The following PIP5K1C variants were observed in gnomAD, a reference collection of about 807,000 sequenced individuals.
PIP5K1C encodes the protein phosphatidylinositol-4-phosphate 5-kinase type 1 gamma, also known as phosphatidylinositol 4-phosphate 5-kinase type-1 gamma.
A neutral mutation model predicts 80.1 loss-of-function variants in PIP5K1C; 45 were observed. That is an observed-to-expected ratio of 0.56 (90% CI 0.44 to 0.72). PIP5K1C has a LOEUF of 0.72. Ranked by LOEUF, PIP5K1C falls within the 30% of genes least tolerant of loss-of-function variation. The pLI is 0.00. For synonymous variants in PIP5K1C, 498 were observed against 420.1 expected (o/e 1.19, Z -2.27); for missense variants, 753 against 954.6 (o/e 0.79, Z 2.78).
intron 6 of PIP5K1C, among the ~76,000 whole-genome samples, 161 bp downstream of exon 6, chr19:3,656,244 C>G (rs2034626840): frequency 6.6e-6 from 1 of 152,168 alleles, no homozygotes; most frequent in African/African-American, 2.4e-5. Context: ...GCTGGTGAAG[C>G]CTGACGGGGG....
intron 3 of PIP5K1C, among the ~76,000 whole-genome samples, chr19:3,662,717 C>T (rs1600010846): frequency 2.0e-5 from 3 of 152,038 alleles, no homozygotes; most frequent in South Asian, 2.1e-4. Context: ...AGGTGCGCGC[C>T]GTCACGCCTG....
rs376711695 is a variant in PIP5K1C, at chr19:3,664,815, G to A, written c.219+7C>T. The A allele has an allele frequency of 3.5e-5, 57 of 1,610,906 alleles. No individual in the cohort carries two copies. In the African/African-American group the frequency reaches 5.5e-4, roughly 15 times the overall value. On this transcript the variant is annotated splice_region_variant and intron_variant, in intron 3 of 17. Coordinates refer to ENST00000335312, the MANE Select transcript of PIP5K1C (RefSeq NM_012398.3). ...TCCCTCCAGCCAGCTAAGGGGAGCC[G>A]AGGAACCTTCTTGTAGGTGGTTTCG...
At chr19:3,667,663 G>A (rs2035058290) in intron 1 of PIP5K1C, among the ~76,000 whole-genome samples, 1 of 152,242 alleles carries the variant, frequency 6.6e-6, no homozygotes, top group Non-Finnish European at 1.5e-5. Flanking sequence ...CCACCACGGA[G>A]GGCCTGGGGC....
At position 3,688,403 on chromosome 19, in the gene PIP5K1C, TGC is replaced by T. The variant is rs1393880020; in HGVS notation, c.94+11892_94+11893del. 6.6e-6 allele frequency among the ~76,000 whole-genome samples: 1 copy of T among 152,112 alleles called. No homozygotes were observed. The highest frequency in any genetic ancestry group is 1.9e-4 in the East Asian group (1 of 5,170). Reference sequence around the variant, plus strand: ...GAGGGGGGGACGGCCTCTGGCCCCCTGCTGTGGGCGGGGAGGGATCTAGAAGA... The same window carrying T: ...GAGGGGGGGACGGCCTCTGGCCCCCTTGTGGGCGGGGAGGGATCTAGAAGA... On this transcript the variant is annotated intron_variant, in intron 1 of 17. Coordinates refer to ENST00000335312, the MANE Select transcript of PIP5K1C (RefSeq NM_012398.3). The surrounding 1 kb of genome is among the most constrained non-coding windows in gnomAD (Gnocchi z 5.3).
intron 13 of PIP5K1C, 64 bp downstream of exon 13, chr19:3,643,157 CGGATGCCCCGCCCACATGCAGT>C (rs1187539592): frequency 6.9e-6 from 11 of 1,589,414 alleles, no homozygotes; most frequent in Non-Finnish European, 9.4e-6. Context: ...ACATGCACAG[CGGATGCCCCGCCCACATGCAGT>C]GAATGCCCCG....
chr19:3,656,091 C>A (rs1157650783), intron 6 of PIP5K1C, among the ~76,000 whole-genome samples: 2 of 152,240 alleles, frequency 1.3e-5, no homozygotes, highest in Non-Finnish European at 2.9e-5. Flanking sequence ...GCTGCTGGTT[C>A]TGGGGCCCAC....
At chr19:3,660,810 G>A (rs544394537) in intron 5 of PIP5K1C, among the ~76,000 whole-genome samples, 156 bp downstream of exon 5, 13 of 151,900 alleles carry the variant, frequency 8.6e-5, no homozygotes, top group Admixed American at 2.6e-4. Context: ...CTGCTTTCCC[G>A]GTGAGTCTCA....
At chr19:3,635,803 C>T (rs2033661537) in intron 16 of PIP5K1C, among the ~76,000 whole-genome samples, 1 of 152,152 alleles carries the variant, frequency 6.6e-6, no homozygotes, top group African/African-American at 2.4e-5. Flanking sequence ...CACGGTGAAA[C>T]CTCGTCTCTA....
intron 1 of PIP5K1C, among the ~76,000 whole-genome samples, chr19:3,681,178 G>A (rs1163843725): frequency 1.3e-5 from 2 of 151,980 alleles, no homozygotes; most frequent in Non-Finnish European, 2.9e-5. Context: ...ACTATTCTCC[G>A]GGTGTGTACA....
Position 3,633,519 on chromosome 19 carries a change from G to A in PIP5K1C, c.1922C>T (p.Pro641Leu). The change falls in exon 17 of 18, where the codon CCC becomes CTC. Residue 641 changes from proline to leucine, a missense_variant and splice_region_variant. Physicochemically the swap from Pro to Leu is moderately conservative, Grantham distance 98 (BLOSUM62 -3). This residue lies in a region of PIP5K1C where 315 missense variants were observed against 294.5 expected (regional missense o/e 1.07). Transcript: ENST00000335312. ...GTACACCCAGCTCCTCTCATCGGTG[G>A]GCTGGCAGGTGGGCGCGCGTGCAGG... ...EDAPATDIYF[P>L]TDERSWVYSP... 1.3e-6 allele frequency: 2 copies of A among 1,493,966 alleles called. No homozygotes were observed. The allele number at this position is 1,493,966 out of a possible 1,614,324, so 92.5% of individuals were successfully genotyped here. A position where few individuals can be genotyped will look rare whatever the true frequency, so the allele number is the denominator to read the frequency against.
chr19:3,680,278 G>A lies in PIP5K1C; in HGVS notation c.95-12925C>T, dbSNP rs188338771. Among the ~76,000 whole-genome samples, 57 of 152,246 alleles carry A rather than the reference G, an allele frequency of 3.7e-4. 1 individual carries two copies. The highest frequency in any genetic ancestry group is 1.3e-3 in the African/African-American group (52 of 41,566). The stretch of plus-strand genomic sequence containing the variant: ...TTGGGGGATGACACACCACTGAGGC[G>A]GCCGGCTCTCTGTCTAAATGCAACT... On this transcript the variant is annotated intron_variant, in intron 1 of 17. Transcript: ENST00000335312.
intron 1 of PIP5K1C, among the ~76,000 whole-genome samples, chr19:3,686,585 G>A (rs1427381729): frequency 1.3e-5 from 2 of 151,672 alleles, no homozygotes; most frequent in Non-Finnish European, 2.9e-5. Flanking sequence ...AGACGTGATG[G>A]CGGGCGCCTG....
At position 3,691,656 on chromosome 19, in the gene PIP5K1C, T is replaced by C. The variant is rs1370204801; in HGVS notation, c.94+8641A>G. On this transcript the variant is annotated intron_variant, in intron 1 of 17. Coordinates refer to ENST00000335312, the MANE Select transcript of PIP5K1C (RefSeq NM_012398.3). ...GAACTGTAACACAAGAGCTTTTCAATAGCAGTCACCTCCTGCTCTCTTGGC... is the reference window on the plus strand; with the variant it reads ...GAACTGTAACACAAGAGCTTTTCAACAGCAGTCACCTCCTGCTCTCTTGGC... Among the ~76,000 whole-genome samples the C allele has an allele frequency of 3.3e-5, 5 of 150,474 alleles. 1 individual carries two copies. The highest frequency in any genetic ancestry group is 4.4e-5 in the Non-Finnish European group (3 of 67,806).
At chr19:3,646,272 T>A (rs2034210380) in intron 10 of PIP5K1C, among the ~76,000 whole-genome samples, 1 of 151,872 alleles carries the variant, frequency 6.6e-6, no homozygotes, top group Non-Finnish European at 1.5e-5. Flanking sequence ...AGGGAATGGG[T>A]GGAGGCTTTT....
At chr19:3,667,215 C>G (rs1292034772) in intron 2 of PIP5K1C, 107 bp downstream of exon 2, 1 of 939,814 alleles carries the variant, frequency 1.1e-6, no homozygotes, top group African/African-American at 1.6e-5. Flanking sequence ...CATTTGGGGC[C>G]CAGAGAGGTG....
chr19:3,643,485 G>T (rs2034070239), intron 12 of PIP5K1C, 104 bp from the exon 13 acceptor site: 1 of 1,363,178 alleles, frequency 7.3e-7, no homozygotes. Flanking sequence ...ACAGCCCAGT[G>T]CCCGCCCGCC....
rs373083652 is a variant in PIP5K1C, at chr19:3,647,108, TG to T, written c.1260+229del. On this transcript the variant is annotated intron_variant, in intron 10 of 17. Transcript: ENST00000335312. ...CAGGCGCTCACAGAGGGAGGAGGGATGGGGGGAGGGTGCAGGCACTCACAGA... is the reference window on the plus strand; with the variant it reads ...CAGGCGCTCACAGAGGGAGGAGGGATGGGGGAGGGTGCAGGCACTCACAGA... Among the ~76,000 whole-genome samples, 61 of 11,538 alleles carry T rather than the reference TG, an allele frequency of 5.3e-3. 2 individuals are homozygous for T. The highest frequency in any genetic ancestry group is 0.018 in the African/African-American group (47 of 2,622). 7.6% of individuals were successfully genotyped at this position (11,538 alleles called of 152,430 possible).
At chr19:3,635,574 A>T (rs952435458) in intron 16 of PIP5K1C, among the ~76,000 whole-genome samples, 1 of 152,120 alleles carries the variant, frequency 6.6e-6, no homozygotes, top group African/African-American at 2.4e-5. Flanking sequence ...AATCCCAGCA[A>T]CTCGGGAGGC....
At chr19:3,657,444 G>A (rs575311233) in intron 5 of PIP5K1C, among the ~76,000 whole-genome samples, 1 of 152,178 alleles carries the variant, frequency 6.6e-6, no homozygotes, top group Non-Finnish European at 1.5e-5. Flanking sequence ...GGTCGCCATT[G>A]GTGTACACGG....
Sources: gnomAD v4.1 joint callset for allele counts (sites outside exome capture counted in the v4.1 genomes callset) on GRCh38, gnomAD v4.1.1 for gene constraint, gnomAD v4.1.1 regional missense constraint, Gnocchi (gnomAD v3.1) non-coding constraint, MANE v1.5 for transcripts, NCBI Gene and HGNC (gene_info 2026-07-23, HGNC 2026-07-21) for gene names.